The following RIT2 variants were observed in gnomAD, a reference collection of about 807,000 sequenced individuals.
RIT2 encodes the protein GTP-binding protein Rit2.
In RIT2, 24 loss-of-function variants were observed where a neutral mutation model predicts 23.7. The observed-to-expected ratio is 1.01, with a 90% CI of 0.73 to 1.43. RIT2 has a LOEUF of 1.43. Ranked by LOEUF, RIT2 falls within the 40% of genes most tolerant of loss-of-function variation. RIT2 has a pLI of 0.00. For missense variants in RIT2, 236 were observed against 266.9 expected (o/e 0.88, Z 0.81); for synonymous variants, 107 against 91.1 (o/e 1.17, Z -0.99).
intron 2 of RIT2, among the ~76,000 whole-genome samples, chr18:43,007,711 T>G (rs1233572308): frequency 1.3e-5 from 2 of 151,730 alleles, no homozygotes; most frequent in South Asian, 4.1e-4. Context: ...CCACCAGGTA[T>G]GTTTGTCTAC....
chr18:42,952,425 T>G (rs1334006276), intron 3 of RIT2, among the ~76,000 whole-genome samples: 1 of 152,098 alleles, frequency 6.6e-6, no homozygotes, highest in Non-Finnish European at 1.5e-5. Context: ...AAGCTTCAAC[T>G]GTACATCATG....
chr18:42,946,816 T>C (rs755473105), intron 3 of RIT2, among the ~76,000 whole-genome samples: 2 of 152,036 alleles, frequency 1.3e-5, no homozygotes, highest in Non-Finnish European at 2.9e-5. Context: ...TGAGTTAGCA[T>C]CCAAAGATAG....
chr18:43,114,464 C>T (rs905634395), intron 1 of RIT2, among the ~76,000 whole-genome samples: 1 of 152,054 alleles, frequency 6.6e-6, no homozygotes, highest in African/African-American at 2.4e-5. Context: ...TTTGTCAACA[C>T]TAAAACTACT....
chr18:42,921,738 A>T (rs998507297), intron 4 of RIT2, among the ~76,000 whole-genome samples: 1 of 152,096 alleles, frequency 6.6e-6, no homozygotes, highest in African/African-American at 2.4e-5. Flanking sequence ...ACCCTGTCAG[A>T]GGTTTTTGTT....
At chr18:42,984,637 G>A (rs555783628) in intron 2 of RIT2, among the ~76,000 whole-genome samples, 1 of 151,832 alleles carries the variant, frequency 6.6e-6, no homozygotes, top group Non-Finnish European at 1.5e-5. Context: ...GAAACAATCT[G>A]TATTATTTCT....
intron 4 of RIT2, among the ~76,000 whole-genome samples, chr18:42,784,658 T>C (rs16976882): frequency 0.039 from 5,916 of 152,168 alleles, 350 homozygotes; most frequent in African/African-American, 0.13. Context: ...CCAACTGCAA[T>C]GTTTTTTCTG....
intron 4 of RIT2, among the ~76,000 whole-genome samples, chr18:42,827,966 T>G (rs1302547493): frequency 1.6e-5 from 2 of 127,160 alleles, no homozygotes; most frequent in Non-Finnish European, 3.1e-5. Context: ...ATCGCGCCAC[T>G]GCACTGCAGC....
intron 4 of RIT2, among the ~76,000 whole-genome samples, chr18:42,871,701 G>A (rs1907625370): frequency 6.6e-6 from 1 of 151,894 alleles, no homozygotes; most frequent in Admixed American, 6.6e-5. Context: ...TATGTCTCAT[G>A]GCCAAAGGTG....
In RIT2 at chr18:42,801,374, C is replaced by T. The variant is rs532452579; in HGVS notation, c.427-57654G>A. ...TATTGGATTAACAAGAGCTCAGTTA[C>T]GTATCTATTCTTTGATGTTGAAATT... On this transcript the variant is annotated intron_variant, in intron 4 of 4. Coordinates refer to ENST00000326695, the MANE Select transcript of RIT2 (RefSeq NM_002930.4). Among the ~76,000 whole-genome samples the T allele has an allele frequency of 1.1e-4, 17 of 152,238 alleles. No homozygotes were observed. The South Asian group carries it at 3.3e-3, about 30-fold the overall frequency.
chr18:43,004,183 G>A (rs1256993466), intron 2 of RIT2, among the ~76,000 whole-genome samples: 1 of 151,756 alleles, frequency 6.6e-6, no homozygotes, highest in East Asian at 2.0e-4. Context: ...ATTTAAATCT[G>A]CCTCTGAGAG....
At chr18:42,843,694 A>T (rs1429004746) in intron 4 of RIT2, among the ~76,000 whole-genome samples, 1 of 152,208 alleles carries the variant, frequency 6.6e-6, no homozygotes, top group Non-Finnish European at 1.5e-5. Flanking sequence ...AGTTATTGTG[A>T]CCTATTTCTA....
chr18:42,923,602 A>G lies in RIT2; in HGVS notation c.396T>C (p.Gly132=). 6.2e-7 allele frequency: 1 copy of G among 1,613,356 alleles called. No individual in the cohort carries two copies. Among genetic ancestry groups the G allele is most frequent in the Non-Finnish European group, 8.5e-7 (1 of 1,179,558 alleles). The change falls in exon 4 of 5, where the codon GGT becomes GGC. Residue 132 remains glycine (G), a synonymous_variant. Transcript: ENST00000326695. ...GGAACTGTTCCAGATCAATTTTGTT[A>G]CCCACCAGCACCAGGGGAATTTCAT... is the stretch of plus-strand genomic sequence containing the variant. ...HTYEIPLVLV[G]NKIDLEQFRQ...
intron 4 of RIT2, among the ~76,000 whole-genome samples, chr18:42,850,344 T>G (rs572945280): frequency 6.6e-6 from 1 of 152,336 alleles, no homozygotes; most frequent in Admixed American, 6.5e-5. Context: ...GTTTCACCAT[T>G]ACCCACATTA....
At chr18:42,986,692 A>G (rs190761967) in intron 2 of RIT2, among the ~76,000 whole-genome samples, 146 of 151,676 alleles carry the variant, frequency 9.6e-4, no homozygotes, top group Non-Finnish European at 1.4e-3. Flanking sequence ...AGTTGAGACG[A>G]GGTTTCACCA....
At chr18:43,010,233 T>A (rs1031193991) in intron 2 of RIT2, among the ~76,000 whole-genome samples, 1 of 151,786 alleles carries the variant, frequency 6.6e-6, no homozygotes, top group East Asian at 1.9e-4. Context: ...ATTCTTATAA[T>A]GAGCCGTTTT....
intron 4 of RIT2, among the ~76,000 whole-genome samples, chr18:42,852,548 ATGT>A (rs913393081): frequency 7.9e-5 from 12 of 152,034 alleles, no homozygotes; most frequent in African/African-American, 2.4e-4. Context: ...TTACTCGGAG[ATGT>A]TGTTGAGAGA....
rs192833521 is a variant in RIT2, at chr18:42,953,702, C to T, written c.234+20372G>A. ...AAGCTTGGGATATTTCCCACAGTTG[C>T]TTTCCCCAGAAAAGTTCTTTCAAAT... On this transcript the variant is annotated intron_variant, in intron 3 of 4. Coordinates refer to ENST00000326695, the MANE Select transcript of RIT2 (RefSeq NM_002930.4). Among the ~76,000 whole-genome samples the T allele has an allele frequency of 3.3e-5, 5 of 152,292 alleles. No homozygotes were observed. The East Asian group carries it at 9.7e-4, about 29-fold the overall frequency.
Position 42,958,214 on chromosome 18 carries a change from T to C in RIT2, c.234+15860A>G, listed in dbSNP as rs368807069. 4.0e-4 allele frequency among the ~76,000 whole-genome samples: 61 copies of C among 152,356 alleles called. 1 individual carries two copies. The South Asian group carries it at 0.012, about 29-fold the overall frequency. ...TTGGAAAGTTTACAAATTTGCTAGA[T>C]ATAGAATTCTGTTTTAAAATGTAAT... On this transcript the variant is annotated intron_variant, in intron 3 of 4. Transcript: ENST00000326695.
At chr18:42,831,646 G>T (rs1045156873) in intron 4 of RIT2, among the ~76,000 whole-genome samples, 3 of 152,070 alleles carry the variant, frequency 2.0e-5, no homozygotes, top group Non-Finnish European at 4.4e-5. Flanking sequence ...AGAACTGGAG[G>T]CAGGAAGAAC....
Sources: allele counts gnomAD v4.1 joint callset (sites outside exome capture counted in the v4.1 genomes callset), GRCh38; gene constraint gnomAD v4.1.1; transcripts MANE v1.5; gene names NCBI Gene and HGNC (gene_info 2026-07-23, HGNC 2026-07-21).